Variants in NIPBL observed in about 807,000 individuals in gnomAD.
NIPBL encodes the protein nipped-B-like protein.
A neutral mutation model predicts 321.8 loss-of-function variants in NIPBL; 19 were observed. That is an observed-to-expected ratio of 0.06 (90% CI 0.04 to 0.09). The LOEUF is 0.09. Ranked by LOEUF, NIPBL falls within the 10% of genes least tolerant of loss-of-function variation. The pLI, the probability that NIPBL is intolerant of heterozygous loss-of-function variation, is 1.00. For missense variants in NIPBL, 2,210 were observed against 3,327.0 expected (o/e 0.66, Z 8.26); for synonymous variants, 1,106 against 1,114.1 (o/e 0.99, Z 0.14).
intron 42 of NIPBL, among the ~76,000 whole-genome samples, chr5:37,056,870 G>A (rs1754141904): frequency 6.6e-6 from 1 of 151,964 alleles, no homozygotes; most frequent in South Asian, 2.1e-4. Context: ...CTCTTCTCTT[G>A]AGATAGCATA....
At chr5:36,972,327 C>T (rs192800894) in intron 8 of NIPBL, among the ~76,000 whole-genome samples, 1 of 152,206 alleles carries the variant, frequency 6.6e-6, no homozygotes, top group African/African-American at 2.4e-5. Context: ...CCACAACGTT[C>T]TTCTCTTAAA....
chr5:36,994,485 G>A (rs927399055), intron 10 of NIPBL, among the ~76,000 whole-genome samples: 1 of 152,026 alleles, frequency 6.6e-6, no homozygotes, highest in Non-Finnish European at 1.5e-5. Flanking sequence ...TTACTTTTCT[G>A]TCATGATTTT....
chr5:37,026,658 CCTA>C (rs1358783819), intron 31 of NIPBL, among the ~76,000 whole-genome samples: 1 of 152,160 alleles, frequency 6.6e-6, no homozygotes, highest in Non-Finnish European at 1.5e-5. Flanking sequence ...GATAGTAATG[CCTA>C]CTTTTTTCAG....
chr5:36,953,356 T>C (rs1189056659), intron 1 of NIPBL, among the ~76,000 whole-genome samples: 1 of 152,202 alleles, frequency 6.6e-6, no homozygotes, highest in South Asian at 2.1e-4. Context: ...CTAGTTACTT[T>C]AAACTCACTG....
At chr5:36,948,158 T>C (rs575311503) in intron 1 of NIPBL, among the ~76,000 whole-genome samples, 4 of 152,052 alleles carry the variant, frequency 2.6e-5, no homozygotes, top group African/African-American at 9.6e-5. Context: ...AACTCAAATT[T>C]TAAAGGGCAG....
intron 1 of NIPBL, among the ~76,000 whole-genome samples, chr5:36,880,823 C>T (rs1281520948): frequency 3.3e-5 from 5 of 151,960 alleles, no homozygotes; most frequent in Non-Finnish European, 7.4e-5. Context: ...TAAAAATATT[C>T]TGATATCCCT....
At position 37,045,549 on chromosome 5, in the gene NIPBL, A is replaced by T; in HGVS notation, c.6450A>T (p.Leu2150=). Reference sequence around the variant, plus strand: ...GATCCCTTTTCACCGTTGGAGCACTATGTCGGCATTTTGATTTTGATCTGG... The same window carrying T: ...GATCCCTTTTCACCGTTGGAGCACTTTGTCGGCATTTTGATTTTGATCTGG... The part of the protein sequence containing the change: ...LLRSLFTVGA[L]CRHFDFDLED... Residue 2150 remains leucine (L), a synonymous_variant, in exon 37 of 47, where the codon CTA becomes CTT. Coordinates refer to ENST00000282516, the MANE Select transcript of NIPBL (RefSeq NM_133433.4). 3 of 1,614,120 alleles carry T rather than the reference A, an allele frequency of 1.9e-6. No homozygotes were observed. Among genetic ancestry groups the T allele is most frequent in the African/African-American group, 2.7e-5 (2 of 75,044 alleles).
At position 37,057,280 on chromosome 5, in the gene NIPBL, T is replaced by C. The variant is rs764872228; in HGVS notation, c.7358T>C (p.Ile2453Thr). 1 of 1,613,772 alleles carries C rather than the reference T, an allele frequency of 6.2e-7. No homozygotes were observed. ...QEEPLFIMHH[I>T]DITLSVSGSN... ...GAGCCGTTGTTTATAATGCATCATA[T>C]AGACATTACACTCTCAGTTTCTGGT... is the stretch of plus-strand genomic sequence containing the variant. Residue 2453 changes from isoleucine (I) to threonine (T), a missense_variant, in exon 43 of 47, where the codon ATA (isoleucine) becomes ACA (threonine). Physicochemically the swap from Ile to Thr is moderately conservative, Grantham distance 89 (BLOSUM62 -1). Transcript: ENST00000282516.
chr5:37,007,262 C>A (rs1747547172), intron 17 of NIPBL, 61 bp from the exon 18 acceptor site: 1 of 1,427,544 alleles, frequency 7.0e-7, no homozygotes, highest in Non-Finnish European at 9.8e-7. Context: ...AGTTTGAGTA[C>A]TGTTTATTAA....
At chr5:37,010,409 G>A (rs1386236566) in intron 21 of NIPBL, among the ~76,000 whole-genome samples, 184 bp downstream of exon 21, 2 of 152,056 alleles carry the variant, frequency 1.3e-5, no homozygotes, top group East Asian at 1.9e-4. Flanking sequence ...TCTGCCTCCC[G>A]GGTTCAAGTG....
At chr5:36,882,962 T>C (rs991673418) in intron 1 of NIPBL, among the ~76,000 whole-genome samples, 3 of 151,830 alleles carry the variant, frequency 2.0e-5, no homozygotes, top group Non-Finnish European at 4.4e-5. Flanking sequence ...TGCATATAAA[T>C]AGGATATTGA....
chr5:36,886,309 A>G lies in NIPBL; in HGVS notation c.-80+9131A>G, dbSNP rs1291218252. On this transcript the variant is annotated intron_variant, in intron 1 of 46. Transcript: ENST00000282516. The stretch of plus-strand genomic sequence containing the variant: ...CCAGGAGTACGAGACCATGCTGAAC[A>G]TCAAGGTCAAGCTGGAGGCTGAGAG... 5.9e-6 allele frequency: 4 copies of G among 682,714 alleles called. No homozygotes were observed. In the East Asian group the frequency reaches 8.0e-5, roughly 14 times the overall value. 42.3% of individuals were successfully genotyped at this position (682,714 alleles called of 1,614,324 possible).
chr5:36,906,436 C>T (rs542063096), intron 1 of NIPBL, among the ~76,000 whole-genome samples: 1 of 152,196 alleles, frequency 6.6e-6, no homozygotes, highest in African/African-American at 2.4e-5. Flanking sequence ...AATTTATCAT[C>T]CTGTTAAAAT....
Position 36,877,007 on chromosome 5 carries a change from GGAA to G in NIPBL, c.-243_-241del, listed in dbSNP as rs1013358530. The stretch of plus-strand genomic sequence containing the variant: ...CTATGTGGGAGAAGGAGGAGGAGGA[GGAA>G]GAAGAAGCAACGATTTGTCTTCTCG... On this transcript the variant is annotated 5_prime_UTR_variant, in exon 1 of 47. Coordinates refer to ENST00000282516, the MANE Select transcript of NIPBL (RefSeq NM_133433.4). The G allele has an allele frequency of 1.3e-5, 5 of 376,704 alleles. No homozygotes were observed. The highest frequency in any genetic ancestry group is 6.6e-4 in the Middle Eastern group (1 of 1,516). 23.3% of individuals were successfully genotyped at this position (376,704 alleles called of 1,614,324 possible).
chr5:37,010,577 G>GTTAC (rs1748004224), intron 21 of NIPBL, among the ~76,000 whole-genome samples: 1 of 152,086 alleles, frequency 6.6e-6, no homozygotes, highest in African/African-American at 2.4e-5. Flanking sequence ...AAGTGCTGGG[G>GTTAC]TTACAGGTGG....
intron 22 of NIPBL, among the ~76,000 whole-genome samples, chr5:37,015,231 C>A (rs944212027): frequency 1.3e-5 from 2 of 152,060 alleles, no homozygotes; most frequent in Non-Finnish European, 2.9e-5. Context: ...TCAAGCGATT[C>A]TCCTGCCTCA....
At chr5:36,988,022 C>G (rs1473050946) in intron 10 of NIPBL, among the ~76,000 whole-genome samples, 2 of 151,992 alleles carry the variant, frequency 1.3e-5, no homozygotes, top group East Asian at 1.9e-4. Context: ...CCCTCTTGTT[C>G]CTTTGATCTG....
intron 1 of NIPBL, chr5:36,885,839 A>G (rs1427896500): frequency 5.8e-6 from 4 of 693,460 alleles, no homozygotes; most frequent in Non-Finnish European, 1.1e-5. Flanking sequence ...GCTGCTCTTA[A>G]TGAAGGAGAA....
chr5:37,001,125 C>A, intron 14 of NIPBL, 47 bp downstream of exon 14: 2 of 1,248,914 alleles, frequency 1.6e-6, no homozygotes, highest in Non-Finnish European at 2.4e-6. Context: ...AGTGTCTTAA[C>A]TGTATCCTCT....
Sources: allele counts gnomAD v4.1 joint callset (sites outside exome capture counted in the v4.1 genomes callset), GRCh38; gene constraint gnomAD v4.1.1; transcripts MANE v1.5; gene names NCBI Gene and HGNC (gene_info 2026-07-23, HGNC 2026-07-21).